Variants in SNTG2 observed in about 807,000 individuals in gnomAD.
The protein encoded by SNTG2 is gamma-2-syntrophin.
A neutral mutation model predicts 70.9 loss-of-function variants in SNTG2; 74 were observed. The ratio of observed to expected loss-of-function variants is 1.04; its 90% CI spans 0.86 to 1.27. SNTG2 has a LOEUF of 1.27. Ranked by LOEUF, SNTG2 falls within the 50% of genes most tolerant of loss-of-function variation. The pLI is 0.00. For missense variants in SNTG2, 717 were observed against 690.7 expected (o/e 1.04, Z -0.43); for synonymous variants, 278 against 273.8 (o/e 1.02, Z -0.15).
intron 1 of SNTG2, among the ~76,000 whole-genome samples, chr2:1,007,166 G>A (rs1659597921): frequency 1.3e-5 from 2 of 152,098 alleles, no homozygotes; most frequent in African/African-American, 4.8e-5. Flanking sequence ...GGGTATCTGG[G>A]GAGGTCCTGG....
intron 1 of SNTG2, among the ~76,000 whole-genome samples, chr2:1,008,252 AGG>A (rs1558307434): frequency 6.6e-6 from 1 of 152,216 alleles, no homozygotes; most frequent in Non-Finnish European, 1.5e-5. Context: ...CTCTTTAGTT[AGG>A]GGACATTTCG....
In SNTG2 at chr2:1,209,085, C is replaced by T. The variant is rs2147992250; in HGVS notation, c.592-18C>T. On this transcript the variant is annotated intron_variant, in intron 8 of 16. Transcript: ENST00000308624. ...TCCTCTGCCTCTGTGACGCTTCATTCTCCTTTCTTCTGTACAGGCCCCATC... is the reference window on the plus strand; with the variant it reads ...TCCTCTGCCTCTGTGACGCTTCATTTTCCTTTCTTCTGTACAGGCCCCATC... 1 of 1,612,422 alleles carries T rather than the reference C, an allele frequency of 6.2e-7. No homozygotes were observed. Among genetic ancestry groups the T allele is most frequent in the Middle Eastern group, 1.7e-4 (1 of 5,914 alleles).
At chr2:1,017,122 A>G (rs1398884984) in intron 1 of SNTG2, among the ~76,000 whole-genome samples, 5 of 151,490 alleles carry the variant, frequency 3.3e-5, no homozygotes, top group African/African-American at 9.7e-5. Flanking sequence ...AGGGTGCACA[A>G]CTCACCCTTT....
At chr2:1,082,619 G>C (rs570243388) in intron 1 of SNTG2, among the ~76,000 whole-genome samples, 66 of 152,272 alleles carry the variant, frequency 4.3e-4, no homozygotes, top group African/African-American at 1.4e-3. Context: ...CCCCCGCCAC[G>C]TGGCATGAGG....
chr2:1,023,806 T>TG (rs1463599919), intron 1 of SNTG2, among the ~76,000 whole-genome samples: 2 of 152,330 alleles, frequency 1.3e-5, no homozygotes, highest in African/African-American at 4.8e-5. Flanking sequence ...GAGTTGTGTG[T>TG]GTGCCATCGA....
intron 1 of SNTG2, among the ~76,000 whole-genome samples, chr2:1,078,456 A>C (rs2148156795): frequency 6.6e-6 from 1 of 152,256 alleles, no homozygotes; most frequent in South Asian, 2.1e-4. Context: ...GGGCAGGTGG[A>C]CAGACCCCAG....
At chr2:1,185,441 A>G (rs1210144656) in intron 8 of SNTG2, among the ~76,000 whole-genome samples, 3 of 152,180 alleles carry the variant, frequency 2.0e-5, no homozygotes, top group Non-Finnish European at 2.9e-5. Context: ...GCACTGCCCT[A>G]GTAGAGGTTC....
intron 16 of SNTG2, among the ~76,000 whole-genome samples, chr2:1,367,075 G>A (rs931483428): frequency 6.6e-6 from 1 of 152,164 alleles, no homozygotes; most frequent in Non-Finnish European, 1.5e-5. Context: ...GTGAGCATTA[G>A]CCCCCGTTAG....
In SNTG2 at chr2:1,137,481, C is replaced by T. The variant is rs1012009789; in HGVS notation, c.326-141C>T. Reference sequence around the variant, plus strand: ...ATCTGCACCTGCACACACAAACACACATCTGCTCACGTGGACACATGCACA... The same window carrying T: ...ATCTGCACCTGCACACACAAACACATATCTGCTCACGTGGACACATGCACA... On this transcript the variant is annotated intron_variant, in intron 4 of 16. Transcript: ENST00000308624. 57 of 806,378 alleles carry T rather than the reference C, an allele frequency of 7.1e-5. No homozygotes were observed. The African/African-American group carries it at 8.6e-4, about 12-fold the overall frequency. 50.0% of individuals were successfully genotyped at this position (806,378 alleles called of 1,614,324 possible). A position where few individuals can be genotyped will look rare whatever the true frequency, so the allele number is the denominator to read the frequency against.
At position 1,221,887 on chromosome 2, in the gene SNTG2, G is replaced by GTCTCTC. The variant is rs1674998017; in HGVS notation, c.719+12660_719+12661insCTCTCT. Among the ~76,000 whole-genome samples the GTCTCTC allele has an allele frequency of 3.2e-4, 2 of 6,230 alleles. 1 individual carries two copies. The highest frequency in any genetic ancestry group is 2.1e-3 in the African/African-American group (2 of 962). The allele number at this position is 6,230 out of a possible 152,430, so 4.1% of individuals were successfully genotyped here. On this transcript the variant is annotated intron_variant, in intron 9 of 16. Transcript: ENST00000308624. ...TCTGTCTCTCTCTCTCTCTGTCTCT[G>GTCTCTC]TCTGTGTCTCTCTCTGTCTCTGTCT...
At chr2:1,036,484 T>C (rs1319327983) in intron 1 of SNTG2, among the ~76,000 whole-genome samples, 1 of 152,196 alleles carries the variant, frequency 6.6e-6, no homozygotes. Flanking sequence ...GATAATTTAA[T>C]TTTTCAAAGA....
At chr2:1,307,288 C>CTG (rs1365840165) in intron 14 of SNTG2, among the ~76,000 whole-genome samples, 1 of 139,142 alleles carries the variant, frequency 7.2e-6, no homozygotes, top group Non-Finnish European at 1.5e-5. Flanking sequence ...GAACCGTGCA[C>CTG]TGTGTGTGTG....
At chr2:951,148 C>A in intron 1 of SNTG2, 80 bp downstream of exon 1, 1 of 607,078 alleles carries the variant, frequency 1.6e-6, no homozygotes, top group Non-Finnish European at 2.4e-6. Context: ...CGCCCCTCCT[C>A]CCTCCACGCC....
chr2:1,265,522 A>G (rs1678678854), intron 13 of SNTG2, among the ~76,000 whole-genome samples: 1 of 152,256 alleles, frequency 6.6e-6, no homozygotes, highest in South Asian at 2.1e-4. Context: ...TCAGAGGGTC[A>G]TCCTGCAGAG....
At chr2:1,269,318 A>G (rs746291163) in intron 14 of SNTG2, among the ~76,000 whole-genome samples, 2 of 152,142 alleles carry the variant, frequency 1.3e-5, no homozygotes, top group African/African-American at 4.8e-5. Context: ...AGCCCAGGCA[A>G]CCAAGCCCAA....
intron 9 of SNTG2, among the ~76,000 whole-genome samples, chr2:1,220,390 C>T (rs1400815146): frequency 6.6e-6 from 1 of 152,204 alleles, no homozygotes; most frequent in Non-Finnish European, 1.5e-5. Context: ...GCAGCAGCCC[C>T]TCCCTCAGGC....
chr2:1,299,350 G>A (rs73177774), intron 14 of SNTG2, among the ~76,000 whole-genome samples: 1,763 of 152,302 alleles, frequency 0.012, 35 homozygotes, highest in African/African-American at 0.04. Flanking sequence ...TGAGATCAAA[G>A]GGTTGGCAGG....
intron 14 of SNTG2, among the ~76,000 whole-genome samples, chr2:1,300,825 T>C (rs1337068423): frequency 6.6e-6 from 1 of 152,200 alleles, no homozygotes; most frequent in Admixed American, 6.5e-5. Context: ...TTTTATCACA[T>C]CCTAATTACG....
rs117522531 is a variant in SNTG2, at chr2:1,046,870, G to T, written c.73-36648G>T. ...TGATCTTTTATAGTACCTCTCAGGG[G>T]TCCTCTGAATTTCCTAAATTTGAAC... On this transcript the variant is annotated intron_variant, in intron 1 of 16. Transcript: ENST00000308624. Among the ~76,000 whole-genome samples, 256 of 152,170 alleles carry T rather than the reference G, an allele frequency of 1.7e-3. 4 individuals carry two copies. The East Asian group carries it at 0.041, about 25-fold the overall frequency.
Sources: gnomAD v4.1 joint callset for allele counts (sites outside exome capture counted in the v4.1 genomes callset) on GRCh38, gnomAD v4.1.1 for gene constraint, MANE v1.5 for transcripts, NCBI Gene and HGNC (gene_info 2026-07-23, HGNC 2026-07-21) for gene names.